DOCK3: variants seen among roughly 807,000 people sequenced by gnomAD.
The protein encoded by DOCK3 is dedicator of cytokinesis protein 3.
DOCK3 carries 60 observed loss-of-function variants against 265.6 expected under a neutral mutation model. The ratio of observed to expected loss-of-function variants is 0.23; its 90% CI spans 0.18 to 0.28. DOCK3 has a LOEUF of 0.28. Ranked by LOEUF, DOCK3 falls within the 10% of genes least tolerant of loss-of-function variation. The probability of loss-of-function intolerance (pLI) is 1.00; values close to 1 mark genes in which losing one functional copy is unlikely to be tolerated. For missense variants in DOCK3, 1,981 were observed against 2,594.3 expected (o/e 0.76, Z 5.14); for synonymous variants, 881 against 938.0 (o/e 0.94, Z 1.11).
intron 1 of DOCK3, among the ~76,000 whole-genome samples, chr3:50,724,903 G>C (rs1223526695): frequency 6.6e-6 from 1 of 151,704 alleles, no homozygotes; most frequent in Admixed American, 6.6e-5. Context: ...TGAGGCAGGA[G>C]AATCACTTGA....
chr3:51,309,859 C>A (rs978065537), intron 27 of DOCK3, among the ~76,000 whole-genome samples: 1 of 152,246 alleles, frequency 6.6e-6, no homozygotes, highest in Non-Finnish European at 1.5e-5. Context: ...CATGTTCTTA[C>A]AATCAAACGC....
intron 5 of DOCK3, among the ~76,000 whole-genome samples, chr3:50,947,336 A>G (rs189411247): frequency 5.2e-4 from 79 of 152,238 alleles, no homozygotes; most frequent in Admixed American, 1.1e-3. Flanking sequence ...CAGAAGAGAT[A>G]ACCTAAGTAG....
At chr3:50,778,283 TA>T (rs920157045) in intron 1 of DOCK3, among the ~76,000 whole-genome samples, 42 of 152,176 alleles carry the variant, frequency 2.8e-4, no homozygotes, top group African/African-American at 9.2e-4. Flanking sequence ...ATGATTCTTT[TA>T]AAAAATATCT....
chr3:51,290,302 T>C (rs2081661044), intron 27 of DOCK3, among the ~76,000 whole-genome samples: 2 of 152,130 alleles, frequency 1.3e-5, no homozygotes, highest in South Asian at 2.1e-4. Flanking sequence ...CCAACAATGA[T>C]AGACTGGATT....
At chr3:51,334,473 G>A (rs1459926959) in intron 35 of DOCK3, among the ~76,000 whole-genome samples, 1 of 152,182 alleles carries the variant, frequency 6.6e-6, no homozygotes, top group Non-Finnish European at 1.5e-5. Flanking sequence ...CTATGCAAAA[G>A]ATACAGGTGT....
intron 12 of DOCK3, among the ~76,000 whole-genome samples, chr3:51,165,977 T>C (rs576830437): frequency 2.4e-4 from 36 of 150,020 alleles, no homozygotes; most frequent in Non-Finnish European, 4.4e-4. Flanking sequence ...TCACTTCCCA[T>C]TGTAATTATA....
intron 19 of DOCK3, among the ~76,000 whole-genome samples, chr3:51,236,061 T>C (rs567456792): frequency 6.6e-6 from 1 of 152,336 alleles, no homozygotes; most frequent in East Asian, 1.9e-4. Flanking sequence ...CCTATGGTTT[T>C]TAGGGCATTG....
chr3:50,906,039 G>A (rs949772034), intron 4 of DOCK3, among the ~76,000 whole-genome samples: 4 of 151,874 alleles, frequency 2.6e-5, no homozygotes, highest in Non-Finnish European at 4.4e-5. Flanking sequence ...TTTTGTCTTT[G>A]GTTCTGTTTA....
intron 23 of DOCK3, among the ~76,000 whole-genome samples, chr3:51,269,503 T>A (rs2080384124): frequency 6.6e-6 from 1 of 152,126 alleles, no homozygotes; most frequent in African/African-American, 2.4e-5. Flanking sequence ...TCATATAAGT[T>A]CTCCAATTGG....
intron 1 of DOCK3, among the ~76,000 whole-genome samples, chr3:50,756,300 G>A (rs2040159707): frequency 6.6e-6 from 1 of 152,124 alleles, no homozygotes; most frequent in Non-Finnish European, 1.5e-5. Flanking sequence ...GCATGCTTGA[G>A]TCTGCTCGCC....
chr3:50,699,767 C>A (rs2035913876), intron 1 of DOCK3, among the ~76,000 whole-genome samples: 1 of 152,142 alleles, frequency 6.6e-6, no homozygotes, highest in African/African-American at 2.4e-5. Flanking sequence ...TGTCAGCTAT[C>A]AGGAAGGATC....
chr3:51,355,989 A>G lies in DOCK3; in HGVS notation c.4250-100A>G, dbSNP rs988930999. 6 of 1,477,794 alleles carry G rather than the reference A, an allele frequency of 4.1e-6. No homozygotes were observed. The African/African-American group carries it at 5.5e-5, about 14-fold the overall frequency. The allele number at this position is 1,477,794 out of a possible 1,614,324, so 91.5% of individuals were successfully genotyped here. The stretch of plus-strand genomic sequence containing the variant: ...CCCTACTGGGCTGTCAGTAAGGAGC[A>G]GGGACTATGGTGCACTTCTCCCCTT... On this transcript the variant is annotated intron_variant, in intron 41 of 52. Transcript: ENST00000266037.
At chr3:51,281,905 A>G (rs1030198254) in intron 27 of DOCK3, among the ~76,000 whole-genome samples, 2 of 125,978 alleles carry the variant, frequency 1.6e-5, no homozygotes, top group African/African-American at 6.0e-5. Context: ...CGATGTCGCA[A>G]AAGATCTACA....
At position 51,260,245 on chromosome 3, in the gene DOCK3, C is replaced by T. The variant is rs746834949; in HGVS notation, c.2274C>T (p.Ser758=). 7.4e-6 allele frequency: 12 copies of T among 1,613,810 alleles called. No individual in the cohort carries two copies. The highest frequency in any genetic ancestry group is 1.0e-5 in the Non-Finnish European group (12 of 1,179,878). ...GAATGGAAGAGGAACAATTCAGATC[C>T]AGTATCCAAGAACTTTTCCAGTCCA... ...TCGMEEEQFR[S]SIQELFQSIR... The change falls in exon 23 of 53, where the codon TCC becomes TCT. Residue 758 remains serine (S), a synonymous_variant. Transcript: ENST00000266037.
At chr3:50,940,895 C>T (rs2076273664) in intron 5 of DOCK3, among the ~76,000 whole-genome samples, 1 of 152,108 alleles carries the variant, frequency 6.6e-6, no homozygotes, top group Non-Finnish European at 1.5e-5. Context: ...AAAAAAAACC[C>T]TGCCTAAGTA....
rs1338238708 is a variant in DOCK3 at position 51,164,640 on chromosome 3, AAGG to A, written c.1037+3944_1037+3946del. On this transcript the variant is annotated intron_variant, in intron 12 of 52. Transcript: ENST00000266037. Reference sequence around the variant, plus strand: ...CTCCGTCTCAAAAAAAAAAAAAAAAAAGGAGGAGAGTCAGAGAATGCCCCATAT... The same window carrying A: ...CTCCGTCTCAAAAAAAAAAAAAAAAAAGGAGAGTCAGAGAATGCCCCATAT... Among the ~76,000 whole-genome samples, 3 of 151,630 alleles carry A rather than the reference AAGG, an allele frequency of 2.0e-5. No homozygotes were observed. In the East Asian group the frequency reaches 5.9e-4, roughly 30 times the overall value.
chr3:51,259,535 T>C (rs1163337172), intron 22 of DOCK3, among the ~76,000 whole-genome samples: 1 of 152,222 alleles, frequency 6.6e-6, no homozygotes, highest in African/African-American at 2.4e-5. Context: ...AGCTTCATCT[T>C]GTACCATTTA....
chr3:51,146,933 C>A (rs562514347), intron 10 of DOCK3, among the ~76,000 whole-genome samples: 11 of 152,192 alleles, frequency 7.2e-5, no homozygotes, highest in African/African-American at 2.4e-4. Context: ...GGACAACATG[C>A]CAAAACCCAA....
At chr3:50,944,951 A>G (rs1452419062) in intron 5 of DOCK3, among the ~76,000 whole-genome samples, 2 of 152,184 alleles carry the variant, frequency 1.3e-5, no homozygotes, top group Non-Finnish European at 2.9e-5. Context: ...CAAGAATGAA[A>G]CTCCATCTCA....
Sources: allele counts gnomAD v4.1 joint callset (sites outside exome capture counted in the v4.1 genomes callset), GRCh38; gene constraint gnomAD v4.1.1; transcripts MANE v1.5; gene names NCBI Gene and HGNC (gene_info 2026-07-23, HGNC 2026-07-21).